AVEN: variants seen among roughly 807,000 people sequenced by gnomAD.
AVEN encodes the protein cell death regulator Aven.
AVEN carries 41 observed loss-of-function variants against 38.1 expected under a neutral mutation model. That is an observed-to-expected ratio of 1.08 (90% CI 0.84 to 1.40). The LOEUF (loss-of-function observed/expected upper bound fraction) is 1.40, where lower values mean the gene tolerates loss of function less well. AVEN is among the 40% of genes most tolerant of loss of function. AVEN has a pLI of 0.00. For synonymous variants in AVEN, 206 were observed against 171.8 expected (o/e 1.20, Z -1.56); for missense variants, 605 against 438.8 (o/e 1.38, Z -3.38).
chr15:34,008,467 A>G (rs1897468478), intron 1 of AVEN, among the ~76,000 whole-genome samples: 2 of 149,208 alleles, frequency 1.3e-5, no homozygotes, highest in Non-Finnish European at 3.0e-5. Flanking sequence ...AAAACTTCCC[A>G]AAGTTGATGA....
At position 34,039,204 on chromosome 15, in the gene AVEN, C is replaced by T. The variant is rs2140798764; in HGVS notation, c.-158G>A. 3.6e-6 allele frequency: 2 copies of T among 562,624 alleles called. No homozygotes were observed. The highest frequency in any genetic ancestry group is 1.6e-4 in the South Asian group (2 of 12,884). The allele number at this position is 562,624 out of a possible 1,614,324, so 34.9% of individuals were successfully genotyped here. ...GGCTAGGGATCGAGGCCGGCCGCAG[C>T]GGAGCGGGGCGGGGCGGGGCGGCCG... On this transcript the variant is annotated 5_prime_UTR_variant, in exon 1 of 6. Coordinates refer to ENST00000306730, the MANE Select transcript of AVEN (RefSeq NM_020371.3).
chr15:33,970,697 T>C (rs1205431228), intron 2 of AVEN, among the ~76,000 whole-genome samples: 1 of 152,004 alleles, frequency 6.6e-6, no homozygotes, highest in Non-Finnish European at 1.5e-5. Flanking sequence ...GACAAAAGTA[T>C]GAAATTTCTA....
chr15:34,005,943 C>T (rs1043011664), intron 1 of AVEN, among the ~76,000 whole-genome samples: 7 of 152,090 alleles, frequency 4.6e-5, no homozygotes, highest in African/African-American at 1.7e-4. Flanking sequence ...TTTCTCAGAA[C>T]CAAAAGATGC....
At chr15:33,869,347 T>C (rs1370234021) in intron 4 of AVEN, among the ~76,000 whole-genome samples, 1 of 152,216 alleles carries the variant, frequency 6.6e-6, no homozygotes, top group Non-Finnish European at 1.5e-5. Context: ...AATTATTTTA[T>C]ACCTTTAATG....
chr15:34,049,580 G>A (rs564214731), intron 5 of AVEN, among the ~76,000 whole-genome samples: 2 of 152,254 alleles, frequency 1.3e-5, no homozygotes, highest in South Asian at 2.1e-4. Context: ...AAAGAGACAG[G>A]GAGAATGGAA....
At chr15:34,019,072 C>T (rs1567470954) in intron 1 of AVEN, among the ~76,000 whole-genome samples, 1 of 151,820 alleles carries the variant, frequency 6.6e-6, no homozygotes, top group Non-Finnish European at 1.5e-5. Flanking sequence ...GGTGCATTTT[C>T]AATCCTTTAG....
chr15:34,064,028 G>T (rs541846772), intron 4 of AVEN: 5 of 1,614,202 alleles, frequency 3.1e-6, no homozygotes, highest in Non-Finnish European at 4.2e-6. Context: ...TAGTCAAAGA[G>T]AGGAAAGCAG....
At chr15:33,861,035 T>C (rs1486672687) in intron 11 of AVEN, 7 of 1,395,114 alleles carry the variant, frequency 5.0e-6, no homozygotes, top group Non-Finnish European at 7.0e-6. Flanking sequence ...CTCCTGCCTA[T>C]ATTATGCCAA....
intron 2 of AVEN, among the ~76,000 whole-genome samples, chr15:33,930,295 T>A (rs1350212398): frequency 6.7e-6 from 1 of 149,630 alleles, no homozygotes; most frequent in Non-Finnish European, 1.5e-5. Context: ...TCACCCAAGA[T>A]AAGAAGTAAA....
intron 2 of AVEN, among the ~76,000 whole-genome samples, chr15:33,905,309 T>C (rs375136120): frequency 6.6e-6 from 1 of 152,116 alleles, no homozygotes; most frequent in Non-Finnish European, 1.5e-5. Context: ...AGAAGTTTCT[T>C]AAATTATCTA....
intron 1 of AVEN, among the ~76,000 whole-genome samples, chr15:34,072,156 C>G (rs1900640198): frequency 6.6e-6 from 1 of 152,026 alleles, no homozygotes; most frequent in African/African-American, 2.4e-5. Context: ...GTAGTCCTAG[C>G]TGCTCAAGAG....
At chr15:33,864,953 T>C, downstream of AVEN, 1 of 551,066 alleles carries the variant, frequency 1.8e-6, no homozygotes, top group Non-Finnish European at 3.2e-6. Context: ...CAGAGAGACA[T>C]GGCTTCTTGC....
chr15:33,915,144 T>TG (rs1320104649), intron 2 of AVEN, among the ~76,000 whole-genome samples: 1 of 151,654 alleles, frequency 6.6e-6, no homozygotes, highest in African/African-American at 2.4e-5. Flanking sequence ...AGAGGGGAGA[T>TG]GGGGGAAAAT....
At chr15:33,986,567 C>A (rs1422913743) in intron 2 of AVEN, among the ~76,000 whole-genome samples, 2 of 152,094 alleles carry the variant, frequency 1.3e-5, no homozygotes, top group African/African-American at 2.4e-5. Flanking sequence ...TTTTTAAAAA[C>A]CAGCAGTAAT....
chr15:33,933,524 C>CACACACAGAGAGAG (rs1893945145), intron 2 of AVEN, among the ~76,000 whole-genome samples: 1 of 46,650 alleles, frequency 2.1e-5, no homozygotes, highest in Non-Finnish European at 4.5e-5. Context: ...CACACACACA[C>CACACACAGAGAGAG]AGAGAGAGAG....
chr15:34,022,819 T>G (rs1397084609), intron 1 of AVEN, among the ~76,000 whole-genome samples: 1 of 152,212 alleles, frequency 6.6e-6, no homozygotes, highest in East Asian at 1.9e-4. Flanking sequence ...ATGAGATTTC[T>G]CTTGGATTTT....
intron 2 of AVEN, among the ~76,000 whole-genome samples, chr15:33,882,574 T>A (rs61166356): frequency 0.09 from 10,274 of 114,612 alleles, 479 homozygotes; most frequent in South Asian, 0.17. Flanking sequence ...AAAAAAAAAA[T>A]AGAAATAAGG....
chr15:33,967,144 T>C (rs991572515), intron 2 of AVEN, among the ~76,000 whole-genome samples: 3 of 152,150 alleles, frequency 2.0e-5, no homozygotes, highest in Non-Finnish European at 4.4e-5. Context: ...AAAGATATGT[T>C]CTCTTGCATA....
Position 34,038,856 on chromosome 15 carries a change from C to A in AVEN, c.191G>T (p.Gly64Val). 8.6e-7 allele frequency: 1 copy of A among 1,158,002 alleles called. No homozygotes were observed. Among genetic ancestry groups the A allele is most frequent in the Non-Finnish European group, 1.1e-6 (1 of 944,238 alleles). The allele number at this position is 1,158,002 out of a possible 1,614,324, so 71.7% of individuals were successfully genotyped here. A position where few individuals can be genotyped will look rare whatever the true frequency, so the allele number is the denominator to read the frequency against. Residue 64 changes from glycine to valine, a missense_variant, in exon 1 of 6, where the codon GGA (glycine) becomes GTA (valine). By Grantham distance (109) the Gly-to-Val change is moderately radical. Coordinates refer to ENST00000306730, the MANE Select transcript of AVEN (RefSeq NM_020371.3). Reference sequence around the variant, plus strand: ...CGGGGCGCCTCCTCCTCCTCGGCCTCCGCGAGCGCCGCGGAAGCCCCGGCC... The same window carrying A: ...CGGGGCGCCTCCTCCTCCTCGGCCTACGCGAGCGCCGCGGAAGCCCCGGCC... ...GRGRGFRGAR[G>V]GRGGGGAPRG...
Sources: allele counts gnomAD v4.1 joint callset (sites outside exome capture counted in the v4.1 genomes callset), GRCh38; gene constraint gnomAD v4.1.1; transcripts MANE v1.5; gene names NCBI Gene and HGNC (gene_info 2026-07-23, HGNC 2026-07-21).